The following DACH2 variants were observed in gnomAD, a reference collection of about 807,000 sequenced individuals.
DACH2 encodes dachshund family transcription factor 2.
DACH2 carries 17 observed loss-of-function variants against 35.8 expected under a neutral mutation model. That is an observed-to-expected ratio of 0.48 (90% CI 0.33 to 0.71). The LOEUF is 0.71. Ranked by LOEUF, DACH2 falls within the 30% of genes least tolerant of loss-of-function variation. The pLI, the probability that DACH2 is intolerant of heterozygous loss-of-function variation, is 0.02. For synonymous variants in DACH2, 195 were observed against 177.3 expected, an observed-to-expected ratio of 1.10 and a Z score of -0.79; for missense variants, 469 against 472.7, an observed-to-expected ratio of 0.99 and a Z score of 0.07.
chrX:86,439,004 C>T (rs915307176), intron 2 of DACH2, among the ~76,000 whole-genome samples: 1 of 111,964 alleles, frequency 8.9e-6, no homozygotes, highest in Non-Finnish European at 1.9e-5. Flanking sequence ...AATTTACATT[C>T]CTACCAACGG....
At chrX:86,450,984 G>A (rs181498934) in intron 2 of DACH2, among the ~76,000 whole-genome samples, 5 of 111,275 alleles carry the variant, frequency 4.5e-5, no homozygotes, top group East Asian at 2.8e-4. Flanking sequence ...TTGTCAAGTG[G>A]ATAGATTGCA....
chrX:86,319,568 G>T (rs1244349812), intron 1 of DACH2, among the ~76,000 whole-genome samples: 1 of 111,973 alleles, frequency 8.9e-6, no homozygotes, highest in East Asian at 2.8e-4. Flanking sequence ...AAGCAGGTAA[G>T]TTGACAGTTT....
chrX:86,424,841 G>A (rs1237004197), intron 2 of DACH2, among the ~76,000 whole-genome samples: 1 of 110,837 alleles, frequency 9.0e-6, no homozygotes, highest in Admixed American at 9.6e-5. Flanking sequence ...TCATTACGAG[G>A]CATGTTACTT....
intron 4 of DACH2, among the ~76,000 whole-genome samples, chrX:86,670,746 G>A (rs1042588686): frequency 1.5e-4 from 17 of 112,012 alleles, no homozygotes; most frequent in Non-Finnish European, 2.4e-4. Context: ...TAAAATGATC[G>A]TTTTAAAGGT....
At chrX:86,310,108 C>T (rs1487736933) in intron 1 of DACH2, among the ~76,000 whole-genome samples, 1 of 112,241 alleles carries the variant, frequency 8.9e-6, no homozygotes, top group Non-Finnish European at 1.9e-5. Flanking sequence ...TAAGAGACAG[C>T]TCTTGACCTG....
At chrX:86,630,184 A>G (rs1481229788) in intron 3 of DACH2, among the ~76,000 whole-genome samples, 4 of 110,486 alleles carry the variant, frequency 3.6e-5, no homozygotes, top group African/African-American at 1.3e-4. Context: ...TTAAAATATT[A>G]CATGTGTAAA....
rs1556108950 is a variant in DACH2, at chrX:86,411,020, T to TTTTATATATATA, written c.527+34159_527+34160insTTATATATATAT. On this transcript the variant is annotated intron_variant, in intron 2 of 11. Coordinates refer to ENST00000373125, the MANE Select transcript of DACH2 (RefSeq NM_053281.3). ...CTCTAGAGGGACAGAACTAATATGA[T>TTTTATATATATA]TATATATATATATATATATGTATAT... Among the ~76,000 whole-genome samples, 32 of 40,506 alleles carry TTTTATATATATA rather than the reference T, an allele frequency of 7.9e-4. 1 individual carries two copies. Among genetic ancestry groups the TTTTATATATATA allele is most frequent in the African/African-American group, 2.9e-3 (31 of 10,817 alleles). 35.2% of individuals were successfully genotyped at this position (40,506 alleles called of 115,157 possible). A position where few individuals can be genotyped will look rare whatever the true frequency, so the allele number is the denominator to read the frequency against.
chrX:86,528,099 C>T (rs966412971), intron 3 of DACH2, among the ~76,000 whole-genome samples: 1 of 111,287 alleles, frequency 9.0e-6, no homozygotes, highest in African/African-American at 3.3e-5. Context: ...CTCTCTACAG[C>T]GTCATGGACC....
intron 7 of DACH2, chrX:86,799,083 G>A (rs896121058): frequency 4.0e-5 from 13 of 327,349 alleles, no homozygotes; most frequent in Non-Finnish European, 7.6e-5. Context: ...TATTCATGTC[G>A]TTATGGAGCA....
intron 11 of DACH2, chrX:86,827,742 G>A (rs939447300): frequency 1.7e-6 from 2 of 1,161,599 alleles, no homozygotes; most frequent in African/African-American, 1.8e-5. Context: ...ATTTTGACCA[G>A]GTCTTATTGT....
intron 4 of DACH2, among the ~76,000 whole-genome samples, chrX:86,654,135 C>G (rs1373238857): frequency 1.1e-5 from 1 of 91,089 alleles, no homozygotes; most frequent in Non-Finnish European, 2.1e-5. Context: ...GAGCCGTGCA[C>G]ATGAACTGCT....
At chrX:86,793,836 A>C (rs2042210863) in intron 7 of DACH2, among the ~76,000 whole-genome samples, 1 of 112,074 alleles carries the variant, frequency 8.9e-6, no homozygotes, top group African/African-American at 3.2e-5. Flanking sequence ...CTGAAGTGAA[A>C]ATGTATTTCC....
chrX:86,542,549 C>T (rs2038900322), intron 3 of DACH2, among the ~76,000 whole-genome samples: 1 of 111,529 alleles, frequency 9.0e-6, no homozygotes, highest in Non-Finnish European at 1.9e-5. Context: ...GAGTAGATGC[C>T]TGTGCCATGC....
chrX:86,468,061 G>A, intron 2 of DACH2, among the ~76,000 whole-genome samples: 1 of 111,499 alleles, frequency 9.0e-6, no homozygotes, highest in East Asian at 2.8e-4. Flanking sequence ...ATCAGTACCA[G>A]AAGTGAGAAG....
chrX:86,381,027 A>AT (rs2036038915), intron 2 of DACH2, among the ~76,000 whole-genome samples: 1 of 109,672 alleles, frequency 9.1e-6, no homozygotes, highest in African/African-American at 3.3e-5. Flanking sequence ...GTTGTTTCCA[A>AT]TTTTTTGTTG....
At chrX:86,545,712 T>A (rs956395889) in intron 3 of DACH2, among the ~76,000 whole-genome samples, 1 of 111,980 alleles carries the variant, frequency 8.9e-6, no homozygotes, top group Non-Finnish European at 1.9e-5. Context: ...TTCATAATGT[T>A]ACTATTTTTC....
chrX:86,405,137 C>T (rs1306264723), intron 2 of DACH2, among the ~76,000 whole-genome samples: 1 of 111,531 alleles, frequency 9.0e-6, no homozygotes, highest in Non-Finnish European at 1.9e-5. Flanking sequence ...GGAGGAGCTG[C>T]TATGAATGTC....
At chrX:86,503,753 A>G (rs1331381333) in intron 2 of DACH2, among the ~76,000 whole-genome samples, 1 of 112,008 alleles carries the variant, frequency 8.9e-6, no homozygotes, top group Non-Finnish European at 1.9e-5. Context: ...ATGGGGGGAA[A>G]TATCACGCTT....
intron 3 of DACH2, among the ~76,000 whole-genome samples, chrX:86,526,479 G>C (rs2038634467): frequency 9.0e-6 from 1 of 111,331 alleles, no homozygotes; most frequent in South Asian, 3.7e-4. Context: ...TCCCTTTCTG[G>C]CAATGTCTAA....
Sources: allele counts gnomAD v4.1 joint callset (sites outside exome capture counted in the v4.1 genomes callset), GRCh38; gene constraint gnomAD v4.1.1; transcripts MANE v1.5; gene names NCBI Gene and HGNC (gene_info 2026-07-23, HGNC 2026-07-21).